Variants in PRKCB observed in about 807,000 individuals in gnomAD.
The protein encoded by PRKCB is protein kinase C beta type.
A neutral mutation model predicts 81.5 loss-of-function variants in PRKCB; 13 were observed. That is an observed-to-expected ratio of 0.16 (90% CI 0.10 to 0.25). PRKCB has a LOEUF of 0.25. PRKCB is among the 10% of genes least tolerant of loss of function. The pLI is 1.00. For synonymous variants in PRKCB, 335 were observed against 321.4 expected, an observed-to-expected ratio of 1.04 and a Z score of -0.45; for missense variants, 509 against 875.7, an observed-to-expected ratio of 0.58 and a Z score of 5.29.
chr16:23,888,459 A>G (rs1031800875), intron 2 of PRKCB, among the ~76,000 whole-genome samples: 17 of 152,334 alleles, frequency 1.1e-4, no homozygotes, highest in African/African-American at 3.8e-4. Context: ...ATTTAGGGCC[A>G]TCTTCCTTGC....
intron 5 of PRKCB, among the ~76,000 whole-genome samples, chr16:24,055,966 CAGAG>C (rs1344513936): frequency 1.3e-5 from 2 of 152,292 alleles, no homozygotes; most frequent in East Asian, 1.9e-4. Context: ...AACTGAGGCT[CAGAG>C]AGGTTAATTG....
chr16:23,995,137 G>A (rs148012431), intron 3 of PRKCB, among the ~76,000 whole-genome samples: 2,386 of 152,288 alleles, frequency 0.016, 25 homozygotes, highest in Non-Finnish European at 0.022. Flanking sequence ...AGGATAAGTT[G>A]TTGCATCTGG....
chr16:23,839,751 A>G (rs1473239175), intron 2 of PRKCB, among the ~76,000 whole-genome samples: 1 of 152,190 alleles, frequency 6.6e-6, no homozygotes, highest in African/African-American at 2.4e-5. Context: ...CTCCTTGTCT[A>G]TAAAACGGAG....
At chr16:23,958,149 G>A (rs372911835) in intron 2 of PRKCB, among the ~76,000 whole-genome samples, 64 of 152,008 alleles carry the variant, frequency 4.2e-4, no homozygotes, top group South Asian at 2.9e-3. Context: ...GTGCCACCAC[G>A]CCTGGCTAAT....
chr16:24,011,300 T>C (rs1411883800), intron 3 of PRKCB, among the ~76,000 whole-genome samples: 2 of 152,332 alleles, frequency 1.3e-5, no homozygotes, highest in Non-Finnish European at 1.5e-5. Flanking sequence ...CTTTCCCTGG[T>C]TTCTGGGCTG....
chr16:23,873,519 T>A (rs1962947615), intron 2 of PRKCB, among the ~76,000 whole-genome samples: 1 of 152,232 alleles, frequency 6.6e-6, no homozygotes, highest in East Asian at 1.9e-4. Flanking sequence ...TTTCTCCTTT[T>A]TCTGTTGATG....
intron 13 of PRKCB, among the ~76,000 whole-genome samples, chr16:24,182,094 G>T (rs1336025587): frequency 6.6e-6 from 1 of 152,094 alleles, no homozygotes; most frequent in Non-Finnish European, 1.5e-5. Flanking sequence ...GATATGCTTT[G>T]GTCTATTATC....
At chr16:24,163,295 G>T (rs1967293368) in intron 10 of PRKCB, among the ~76,000 whole-genome samples, 1 of 152,220 alleles carries the variant, frequency 6.6e-6, no homozygotes, top group Admixed American at 6.5e-5. Flanking sequence ...ATAGGCTAGT[G>T]GTACAAACAT....
chr16:24,128,143 A>G (rs745590454), intron 9 of PRKCB, among the ~76,000 whole-genome samples: 6 of 152,100 alleles, frequency 3.9e-5, no homozygotes, highest in Non-Finnish European at 8.8e-5. Context: ...TTGGGAGGCC[A>G]AGGTGGGCAG....
At chr16:23,981,795 TTCCCC>T (rs1964716117) in intron 2 of PRKCB, among the ~76,000 whole-genome samples, 1 of 19,584 alleles carries the variant, frequency 5.1e-5, no homozygotes, top group Non-Finnish European at 8.9e-5. Context: ...TCCCCTTCCC[TTCCCC>T]TTCCCTTCCC....
intron 2 of PRKCB, among the ~76,000 whole-genome samples, chr16:23,860,278 G>C (rs1012645890): frequency 6.6e-6 from 1 of 152,118 alleles, no homozygotes; most frequent in Admixed American, 6.5e-5. Flanking sequence ...TATTGAGGGA[G>C]TCCGGGTTTG....
chr16:24,125,798 A>T (rs1966842936), intron 9 of PRKCB, among the ~76,000 whole-genome samples: 1 of 152,176 alleles, frequency 6.6e-6, no homozygotes, highest in Admixed American at 6.5e-5. Context: ...ACTGAGATGG[A>T]CTAAGGGATC....
At chr16:23,900,498 T>A (rs940878554) in intron 2 of PRKCB, among the ~76,000 whole-genome samples, 1 of 152,192 alleles carries the variant, frequency 6.6e-6, no homozygotes, top group Non-Finnish European at 1.5e-5. Flanking sequence ...CCATTCCACT[T>A]CTGTCCTCAA....
chr16:23,874,332 T>C (rs1962959615), intron 2 of PRKCB, among the ~76,000 whole-genome samples: 1 of 152,192 alleles, frequency 6.6e-6, no homozygotes, highest in Non-Finnish European at 1.5e-5. Context: ...AGATTCTGCC[T>C]ATCACTGAGT....
chr16:24,058,341 C>T (rs1456139974), intron 5 of PRKCB, among the ~76,000 whole-genome samples: 4 of 152,066 alleles, frequency 2.6e-5, no homozygotes, highest in Non-Finnish European at 5.9e-5. Flanking sequence ...ATTTTTTATG[C>T]CACTTTGTGC....
intron 2 of PRKCB, among the ~76,000 whole-genome samples, chr16:23,863,130 A>G (rs534343849): frequency 2.7e-5 from 4 of 147,600 alleles, no homozygotes; most frequent in Admixed American, 6.8e-5. Flanking sequence ...ATAATCATAT[A>G]TATGCATGTG....
At chr16:24,081,545 T>C (rs918033664) in intron 5 of PRKCB, among the ~76,000 whole-genome samples, 6 of 152,070 alleles carry the variant, frequency 3.9e-5, no homozygotes, top group African/African-American at 1.4e-4. Flanking sequence ...CAACATCATG[T>C]CATAACCAGC....
rs1968242586 is a variant in PRKCB at position 24,217,199 on chromosome 16, T to C, written c.*2383T>C. 2.1e-6 allele frequency: 2 copies of C among 975,050 alleles called. No individual in the cohort carries two copies. Among genetic ancestry groups the C allele is most frequent in the African/African-American group, 3.6e-5 (2 of 56,288 alleles). The allele number at this position is 975,050 out of a possible 1,614,324, so 60.4% of individuals were successfully genotyped here. A position where few individuals can be genotyped will look rare whatever the true frequency, so the allele number is the denominator to read the frequency against. ...GAAGGAAGGAATATAGTGTTATAAATACTGCACTCAACATTTTCCAAATTC... is the reference window on the plus strand; with the variant it reads ...GAAGGAAGGAATATAGTGTTATAAACACTGCACTCAACATTTTCCAAATTC... On this transcript the variant is annotated 3_prime_UTR_variant, in exon 17 of 17. Transcript: ENST00000643927.
intron 9 of PRKCB, among the ~76,000 whole-genome samples, chr16:24,140,744 G>A (rs749826889): frequency 3.9e-5 from 6 of 152,200 alleles, no homozygotes; most frequent in African/African-American, 1.4e-4. Context: ...GAGTAATTGG[G>A]AAAGTTGCAA....
Sources: allele counts gnomAD v4.1 joint callset (sites outside exome capture counted in the v4.1 genomes callset), GRCh38; gene constraint gnomAD v4.1.1; transcripts MANE v1.5; gene names NCBI Gene and HGNC (gene_info 2026-07-23, HGNC 2026-07-21).